Variants in ATP11C observed in about 807,000 individuals in gnomAD.
ATP11C encodes phospholipid-transporting ATPase IG.
ATP11C carries 36 observed loss-of-function variants against 97.4 expected under a neutral mutation model. The observed-to-expected ratio is 0.37, with a 90% CI of 0.28 to 0.49. The LOEUF is 0.49. ATP11C is among the 20% of genes least tolerant of loss of function. ATP11C has a pLI of 0.98. For synonymous variants in ATP11C, 275 were observed against 290.9 expected, an observed-to-expected ratio of 0.95 and a Z score of 0.56; for missense variants, 730 against 824.6, an observed-to-expected ratio of 0.89 and a Z score of 1.40.
chrX:139,811,163 C>T (rs1160985689), intron 5 of ATP11C, among the ~76,000 whole-genome samples: 2 of 110,833 alleles, frequency 1.8e-5, no homozygotes, highest in Non-Finnish European at 3.8e-5. Flanking sequence ...ATATTTCGGA[C>T]GCCAAAAAAT....
intron 1 of ATP11C, chrX:139,832,122 G>C (rs762191466): frequency 8.3e-7 from 1 of 1,198,259 alleles, no homozygotes; most frequent in East Asian, 3.0e-5. Flanking sequence ...CAACCTGGCT[G>C]AAAAGAGGAG....
chrX:139,757,662 A>G (rs1487267110), intron 23 of ATP11C, 146 bp downstream of exon 23: 2 of 349,184 alleles, frequency 5.7e-6, no homozygotes, highest in Non-Finnish European at 9.8e-6. Context: ...CTAGAAAAGC[A>G]AAGACATAAA....
chrX:139,904,684 A>C (rs1191242179), intron 1 of ATP11C, among the ~76,000 whole-genome samples: 1 of 111,687 alleles, frequency 9.0e-6, no homozygotes, highest in East Asian at 2.8e-4. Context: ...GTGGTCTGAC[A>C]TTAGCCTGGG....
At chrX:139,856,695 A>G (rs754994700) in intron 1 of ATP11C, among the ~76,000 whole-genome samples, 10 of 112,575 alleles carry the variant, frequency 8.9e-5, no homozygotes, top group African/African-American at 2.6e-4. Flanking sequence ...CCGAAATCAA[A>G]TAGCTGCAGG....
intron 1 of ATP11C, among the ~76,000 whole-genome samples, chrX:139,900,050 A>AAC (rs201122702): frequency 0.05 from 5,617 of 111,563 alleles, 352 homozygotes; most frequent in African/African-American, 0.17. Context: ...CTGGAGCCTG[A>AAC]ACAGCCAAGG....
At chrX:139,803,356 T>G (rs1007088125) in intron 6 of ATP11C, among the ~76,000 whole-genome samples, 3 of 111,592 alleles carry the variant, frequency 2.7e-5, no homozygotes, top group African/African-American at 9.8e-5. Flanking sequence ...TAAAGGTTCT[T>G]TTTTACATAC....
intron 7 of ATP11C, among the ~76,000 whole-genome samples, chrX:139,801,793 G>C (rs1219036372): frequency 1.8e-5 from 2 of 111,759 alleles, no homozygotes; most frequent in Non-Finnish European, 3.8e-5. Context: ...ACAAGAAAGA[G>C]CCTATTTGCA....
intron 15 of ATP11C, 42 bp downstream of exon 15, chrX:139,787,131 T>C (rs780944633): frequency 5.0e-6 from 6 of 1,203,308 alleles, no homozygotes; most frequent in Admixed American, 2.2e-5. Context: ...AATTTGACTA[T>C]GGGGTTAAGA....
chrX:139,870,046 C>T (rs758348108), intron 1 of ATP11C, among the ~76,000 whole-genome samples: 15 of 110,984 alleles, frequency 1.4e-4, no homozygotes, highest in African/African-American at 4.6e-4. Flanking sequence ...TATGATCCCA[C>T]TTCATGTCAT....
At chrX:139,778,035 TC>T (rs2148707937) in intron 18 of ATP11C, among the ~76,000 whole-genome samples, 1 of 110,485 alleles carries the variant, frequency 9.1e-6, no homozygotes, top group African/African-American at 3.3e-5. Flanking sequence ...AAAAAAAATT[TC>T]TGTAGAGATG....
rs773364982 is a variant in ATP11C at position 139,785,266 on chromosome X, A to G, written c.1626T>C (p.Ala542=). 3.3e-6 allele frequency: 4 copies of G among 1,209,775 alleles called. No homozygotes were observed. The East Asian group carries it at 1.2e-4, about 36-fold the overall frequency. ...CAATTACACTCATACGTCGCCGGAC[A>G]GCATCAAAGTTTAAGGTGTGAAGAA... The part of the protein sequence containing the change: ...YELLHTLNFD[A]VRRRMSVIVK... Residue 542 remains alanine, a synonymous_variant, in exon 16 of 30, where the codon GCT becomes GCC. Coordinates refer to ENST00000682941, the MANE Select transcript of ATP11C (RefSeq NM_001353812.2).
At chrX:139,829,217 G>A (rs2083593247) in intron 1 of ATP11C, among the ~76,000 whole-genome samples, 1 of 111,294 alleles carries the variant, frequency 9.0e-6, no homozygotes, top group African/African-American at 3.3e-5. Flanking sequence ...CCCTAAACAG[G>A]TTTGGGTTGA....
Position 139,774,573 on chromosome X carries a change from A to G in ATP11C, c.2216+117T>C, listed in dbSNP as rs369109490. On this transcript the variant is annotated intron_variant, in intron 19 of 29. Transcript: ENST00000682941. ...TCAGGGACGATTTTAACTTATAAGG[A>G]TAAAACACCTGCAAACAGAAAATCA... The G allele has an allele frequency of 4.1e-4, 274 of 663,582 alleles. 3 individuals are homozygous for G. In the East Asian group the frequency reaches 9.0e-3, roughly 22 times the overall value. 54.7% of individuals were successfully genotyped at this position (663,582 alleles called of 1,213,427 possible). A position where few individuals can be genotyped will look rare whatever the true frequency, so the allele number is the denominator to read the frequency against.
intron 23 of ATP11C, among the ~76,000 whole-genome samples, chrX:139,750,723 G>A (rs1441079745): frequency 1.8e-5 from 2 of 111,253 alleles, no homozygotes; most frequent in African/African-American, 3.3e-5. Context: ...TGTGTTCATG[G>A]GGGTCTTTGA....
chrX:139,839,410 C>G (rs1302465433), intron 1 of ATP11C, among the ~76,000 whole-genome samples: 1 of 112,116 alleles, frequency 8.9e-6, no homozygotes, highest in Non-Finnish European at 1.9e-5. Flanking sequence ...AAGTAACTCC[C>G]TTGCCTAATA....
At chrX:139,800,304 T>G (rs984948805) in intron 7 of ATP11C, among the ~76,000 whole-genome samples, 194 bp from the exon 8 acceptor site, 1 of 112,097 alleles carries the variant, frequency 8.9e-6, no homozygotes, top group Non-Finnish European at 1.9e-5. Context: ...CATTTTCATA[T>G]AATTTTTAAA....
intron 18 of ATP11C, among the ~76,000 whole-genome samples, chrX:139,780,961 AC>A (rs1224087220): frequency 2.7e-5 from 3 of 111,235 alleles, no homozygotes; most frequent in African/African-American, 9.8e-5. Context: ...TTGAAAAACC[AC>A]CCATTGAGTA....
chrX:139,888,376 G>T (rs1196535724), intron 1 of ATP11C, among the ~76,000 whole-genome samples: 1 of 110,464 alleles, frequency 9.1e-6, no homozygotes, highest in Non-Finnish European at 1.9e-5. Context: ...CAAGTAATCT[G>T]CCCACCTTGG....
intron 1 of ATP11C, among the ~76,000 whole-genome samples, chrX:139,931,545 T>G (rs756030744): frequency 3.6e-5 from 4 of 112,622 alleles, no homozygotes; most frequent in African/African-American, 1.3e-4. Context: ...GGCTGAGTCT[T>G]GCCCTAGTCT....
Sources: gnomAD v4.1 joint callset for allele counts (sites outside exome capture counted in the v4.1 genomes callset) on GRCh38, gnomAD v4.1.1 for gene constraint, MANE v1.5 for transcripts, NCBI Gene and HGNC (gene_info 2026-07-23, HGNC 2026-07-21) for gene names.